The following CD44 variants were observed in gnomAD, a reference collection of about 807,000 sequenced individuals.
CD44 encodes the protein CD44 molecule (IN blood group), also known as CD44 antigen.
Under a neutral mutation model 88.8 loss-of-function variants are expected in CD44, and 49 were observed. That is an observed-to-expected ratio of 0.55 (90% CI 0.44 to 0.70). The LOEUF (loss-of-function observed/expected upper bound fraction) is 0.70, where lower values mean the gene tolerates loss of function less well. CD44 is among the 30% of genes least tolerant of loss of function. CD44 has a pLI of 0.00. For missense variants in CD44, 883 were observed against 913.8 expected (o/e 0.97, Z 0.43); for synonymous variants, 325 against 312.3 (o/e 1.04, Z -0.43).
At position 35,201,889 on chromosome 11, in the gene CD44, C is replaced by T; in HGVS notation, c.1153+102C>T. 4 of 1,192,218 alleles carry T rather than the reference C, an allele frequency of 3.4e-6. No individual in the cohort carries two copies. In the South Asian group the frequency reaches 5.7e-5, roughly 17 times the overall value. The allele number at this position is 1,192,218 out of a possible 1,614,324, so 73.9% of individuals were successfully genotyped here. A position where few individuals can be genotyped will look rare whatever the true frequency, so the allele number is the denominator to read the frequency against. ...TAGAAATTGGCCGCATCTTCTATTT[C>T]CACTCGGTAATTTCTTTTATTCTTA... On this transcript the variant is annotated intron_variant, in intron 9 of 17. Transcript: ENST00000428726.
chr11:35,144,504 C>T (rs957096298), intron 1 of CD44, among the ~76,000 whole-genome samples: 1 of 152,188 alleles, frequency 6.6e-6, no homozygotes, highest in African/African-American at 2.4e-5. Context: ...ATACCTTCTA[C>T]CTTAAATTTG....
chr11:35,217,342 T>C (rs1043172082), intron 15 of CD44, among the ~76,000 whole-genome samples: 10 of 149,172 alleles, frequency 6.7e-5, no homozygotes, highest in African/African-American at 2.5e-4. Context: ...CAAAGGCTTC[T>C]ATGAGTCAGA....
chr11:35,147,550 A>G (rs1387550953), intron 1 of CD44, among the ~76,000 whole-genome samples: 1 of 152,008 alleles, frequency 6.6e-6, no homozygotes, highest in Non-Finnish European at 1.5e-5. Flanking sequence ...CTCAGTCCAC[A>G]GGAAGGGATG....
At chr11:35,225,230 A>C (rs1949616491) in intron 17 of CD44, among the ~76,000 whole-genome samples, 2 of 146,482 alleles carry the variant, frequency 1.4e-5, no homozygotes, top group Non-Finnish European at 3.1e-5. Flanking sequence ...GCTCTAAAAC[A>C]GTGCAAAATA....
At chr11:35,208,694 G>T (rs911457727) in intron 12 of CD44, among the ~76,000 whole-genome samples, 14 of 152,216 alleles carry the variant, frequency 9.2e-5, no homozygotes, top group African/African-American at 3.1e-4. Context: ...ATCAACAAAG[G>T]TGGCGGGATC....
intron 4 of CD44, 78 bp downstream of exon 4, chr11:35,186,978 G>A: frequency 1.1e-6 from 1 of 887,852 alleles, no homozygotes; most frequent in East Asian, 2.4e-5. Context: ...TGGTATATTT[G>A]AATAGAATAT....
intron 3 of CD44, among the ~76,000 whole-genome samples, chr11:35,182,009 G>A (rs7944818): frequency 9.1e-6 from 1 of 110,304 alleles, no homozygotes; most frequent in Non-Finnish European, 1.7e-5. Flanking sequence ...TTATATATAT[G>A]TATATATGTA....
intron 5 of CD44, among the ~76,000 whole-genome samples, chr11:35,194,579 A>G (rs1333607685): frequency 6.6e-6 from 1 of 152,176 alleles, no homozygotes; most frequent in Non-Finnish European, 1.5e-5. Context: ...GCTCTCCTGG[A>G]TGTCAGACCT....
chr11:35,181,929 T>A (rs371200523), intron 3 of CD44, among the ~76,000 whole-genome samples: 72 of 51,564 alleles, frequency 1.4e-3, no homozygotes, highest in Admixed American at 2.5e-3. Context: ...TATTATATTA[T>A]ATATAAATTA....
intron 1 of CD44, among the ~76,000 whole-genome samples, chr11:35,176,001 A>G (rs1193786446): frequency 6.8e-6 from 1 of 146,126 alleles, no homozygotes; most frequent in Non-Finnish European, 1.5e-5. Flanking sequence ...AGTAGCTGGG[A>G]CTACAGGCAT....
At chr11:35,169,761 C>T (rs1049311584) in intron 1 of CD44, among the ~76,000 whole-genome samples, 2 of 152,178 alleles carry the variant, frequency 1.3e-5, no homozygotes, top group African/African-American at 4.8e-5. Flanking sequence ...GATCTATTTT[C>T]CTTGATCTGA....
intron 16 of CD44, 103 bp from the exon 17 acceptor site, chr11:35,221,551 G>T (rs1949305420): frequency 1.0e-6 from 1 of 959,838 alleles, no homozygotes; most frequent in East Asian, 2.4e-5. Context: ...CTGCAGCGCT[G>T]ACTGTGGTGC....
chr11:35,194,572 C>T (rs1459763222), intron 5 of CD44, among the ~76,000 whole-genome samples: 1 of 152,216 alleles, frequency 6.6e-6, no homozygotes, highest in East Asian at 1.9e-4. Context: ...CTTATCAGCT[C>T]TCCTGGATGT....
In CD44 at chr11:35,204,642, T is replaced by C. The variant is rs112824203; in HGVS notation, c.1282+2T>C. 6.2e-7 allele frequency: 1 copy of C among 1,612,748 alleles called. No homozygotes were observed. Among genetic ancestry groups the C allele is most frequent in the Non-Finnish European group, 8.5e-7 (1 of 1,179,010 alleles). On this transcript the variant is annotated splice_donor_variant, in intron 10 of 17. Coordinates refer to ENST00000428726, the MANE Select transcript of CD44 (RefSeq NM_000610.4). LOFTEE classifies it high-confidence loss of function. ...CCCATTCGACAACAGGGACAGCTGG[T>C]AATGGATGGTTTAACAAGTAAATTT...
At position 35,201,074 on chromosome 11, in the gene CD44, T is replaced by C; in HGVS notation, c.923-8T>C. 1 of 1,596,490 alleles carries C rather than the reference T, an allele frequency of 6.3e-7. No individual in the cohort carries two copies. The highest frequency in any genetic ancestry group is 8.6e-7 in the Non-Finnish European group (1 of 1,163,960). ...TTTTTCTAATTGCTTCAATCATCGT[T>C]ATCACAGTTTCAACCACACCACGGG... is the stretch of plus-strand genomic sequence containing the variant. On this transcript the variant is annotated splice_polypyrimidine_tract_variant and splice_region_variant and intron_variant, in intron 7 of 17. Coordinates refer to ENST00000428726, the MANE Select transcript of CD44 (RefSeq NM_000610.4).
At chr11:35,215,500 G>A (rs1208495299) in intron 15 of CD44, among the ~76,000 whole-genome samples, 1 of 152,152 alleles carries the variant, frequency 6.6e-6, no homozygotes, top group Non-Finnish European at 1.5e-5. Context: ...GTATTTGTTG[G>A]GAATTTACTG....
At chr11:35,162,191 C>A (rs1271849563) in intron 1 of CD44, among the ~76,000 whole-genome samples, 1 of 152,120 alleles carries the variant, frequency 6.6e-6, no homozygotes, top group African/African-American at 2.4e-5. Context: ...TTGCACCATG[C>A]TTTATGGAAA....
Position 35,176,613 on chromosome 11 carries a change from G to T in CD44, c.106G>T (p.Val36Leu). Residue 36 changes from valine to leucine, a missense_variant, in exon 2 of 18, where the codon GTG becomes TTG. Physicochemically the swap from Val to Leu is conservative, Grantham distance 32. Transcript: ENST00000428726. ...ITCRFAGVFHVEKNGRYSISR... is the reference protein window; with the variant it reads ...ITCRFAGVFHLEKNGRYSISR... Reference sequence around the variant, plus strand: ...CTGCCGCTTTGCAGGTGTATTCCACGTGGAGAAAAATGGTCGCTACAGCAT... The same window carrying T: ...CTGCCGCTTTGCAGGTGTATTCCACTTGGAGAAAAATGGTCGCTACAGCAT... 1.2e-6 allele frequency: 2 copies of T among 1,614,100 alleles called. No individual in the cohort carries two copies. Among genetic ancestry groups the T allele is most frequent in the African/African-American group, 1.3e-5 (1 of 75,058 alleles).
At chr11:35,195,788 C>G (rs1946684110) in intron 5 of CD44, among the ~76,000 whole-genome samples, 1 of 152,048 alleles carries the variant, frequency 6.6e-6, no homozygotes, top group South Asian at 2.1e-4. Flanking sequence ...GTCACTTCAT[C>G]TCTGTCTGTC....
Sources: gnomAD v4.1 joint callset for allele counts (sites outside exome capture counted in the v4.1 genomes callset) on GRCh38, gnomAD v4.1.1 for gene constraint, MANE v1.5 for transcripts, NCBI Gene and HGNC (gene_info 2026-07-23, HGNC 2026-07-21) for gene names.